The following NOVA1 variants were observed in gnomAD, a reference collection of about 807,000 sequenced individuals.
NOVA1 encodes the protein NOVA alternative splicing regulator 1, also known as RNA-binding protein Nova-1.
NOVA1 carries 7 observed loss-of-function variants against 38.0 expected under a neutral mutation model. The ratio of observed to expected loss-of-function variants is 0.18; its 90% CI spans 0.10 to 0.35. The LOEUF (loss-of-function observed/expected upper bound fraction) is 0.35, where lower values mean the gene tolerates loss of function less well. NOVA1 is among the 10% of genes least tolerant of loss of function. NOVA1 has a pLI of 1.00. For missense variants in NOVA1, 460 were observed against 616.0 expected (o/e 0.75, Z 2.68); for synonymous variants, 270 against 232.5 (o/e 1.16, Z -1.47).
chr14:26,562,826 A>G (rs1366044357), intron 2 of NOVA1, among the ~76,000 whole-genome samples: 1 of 152,258 alleles, frequency 6.6e-6, no homozygotes, highest in East Asian at 1.9e-4. Context: ...CTTGAAGTTC[A>G]GAATATTAGG....
In NOVA1 at chr14:26,446,419, A is replaced by G. The variant is rs1464816120; in HGVS notation, c.*1540T>C. 1 of 152,698 alleles carries G rather than the reference A, an allele frequency of 6.5e-6. No homozygotes were observed. Among genetic ancestry groups the G allele is most frequent in the African/African-American group, 2.4e-5 (1 of 41,458 alleles). The allele number at this position is 152,698 out of a possible 1,614,324, so 9.5% of individuals were successfully genotyped here. Reference sequence around the variant, plus strand: ...ATTGTTCTTTAATTGGTTGCACAGAAAGGAGCAGCTGGGATGCCATTTAGC... The same window carrying G: ...ATTGTTCTTTAATTGGTTGCACAGAGAGGAGCAGCTGGGATGCCATTTAGC... On this transcript the variant is annotated 3_prime_UTR_variant, in exon 5 of 5. Coordinates refer to ENST00000539517, the MANE Select transcript of NOVA1 (RefSeq NM_002515.3).
chr14:26,541,605 G>A (rs949435994), intron 2 of NOVA1, among the ~76,000 whole-genome samples: 3 of 147,616 alleles, frequency 2.0e-5, no homozygotes, highest in South Asian at 2.2e-4. Context: ...TAGTTTCCCC[G>A]AGTATGCTTT....
At chr14:26,570,328 C>T (rs558690997) in intron 2 of NOVA1, among the ~76,000 whole-genome samples, 29 of 151,542 alleles carry the variant, frequency 1.9e-4, no homozygotes, top group Middle Eastern at 6.8e-3. Flanking sequence ...GCCTGGGCAA[C>T]GGAGTGAGAC....
intron 2 of NOVA1, among the ~76,000 whole-genome samples, chr14:26,571,592 C>A (rs1490019656): frequency 1.3e-5 from 2 of 152,132 alleles, no homozygotes; most frequent in Non-Finnish European, 2.9e-5. Context: ...AAACTGTCTA[C>A]CCACGTGGCT....
chr14:26,502,664 G>A (rs756679500), intron 2 of NOVA1, among the ~76,000 whole-genome samples: 9 of 149,248 alleles, frequency 6.0e-5, no homozygotes, highest in Non-Finnish European at 1.3e-4. Context: ...GAGAGTTAAC[G>A]ATGTGCTAGT....
At chr14:26,479,001 A>G (rs1208802139) in intron 3 of NOVA1, 3 of 151,922 alleles carry the variant, frequency 2.0e-5, no homozygotes, top group East Asian at 3.8e-4. Flanking sequence ...TATAGGATTC[A>G]TAACACTGTT....
At chr14:26,468,121 TAA>T (rs1410359919) in intron 4 of NOVA1, among the ~76,000 whole-genome samples, 2 of 152,114 alleles carry the variant, frequency 1.3e-5, no homozygotes, top group Non-Finnish European at 2.9e-5. Flanking sequence ...GTTCAATATA[TAA>T]GACTCCATTT....
chr14:26,490,892 C>T (rs1001989200), intron 2 of NOVA1, among the ~76,000 whole-genome samples: 1 of 144,624 alleles, frequency 6.9e-6, no homozygotes, highest in Admixed American at 7.2e-5. Context: ...CTCTGTCGCC[C>T]AGGCTGGAGT....
chr14:26,498,331 G>T (rs1047289753), intron 2 of NOVA1, among the ~76,000 whole-genome samples: 1 of 151,982 alleles, frequency 6.6e-6, no homozygotes, highest in South Asian at 2.1e-4. Context: ...CTCCCAAAGT[G>T]CTGGAATTAC....
intron 2 of NOVA1, among the ~76,000 whole-genome samples, chr14:26,577,068 T>C (rs1410861653): frequency 6.6e-6 from 1 of 151,996 alleles, no homozygotes; most frequent in African/African-American, 2.4e-5. Context: ...TATTCTACAT[T>C]TTTCTAGATT....
intron 4 of NOVA1, among the ~76,000 whole-genome samples, chr14:26,471,453 A>T (rs912258906): frequency 7.6e-5 from 11 of 145,162 alleles, no homozygotes; most frequent in East Asian, 1.9e-4. Context: ...TTTTATTATT[A>T]AAAAAAGCAA....
intron 2 of NOVA1, among the ~76,000 whole-genome samples, chr14:26,577,544 G>A (rs2138749944): frequency 6.6e-6 from 1 of 152,118 alleles, no homozygotes; most frequent in Admixed American, 6.5e-5. Flanking sequence ...GTGCATTTCT[G>A]TAACATTTAC....
At chr14:26,581,874 A>T (rs919600707) in intron 2 of NOVA1, among the ~76,000 whole-genome samples, 3 of 151,934 alleles carry the variant, frequency 2.0e-5, no homozygotes, top group African/African-American at 7.2e-5. Flanking sequence ...GACATATCAC[A>T]AATAATTTTA....
chr14:26,596,953 G>T (rs1489575931), intron 1 of NOVA1: 20 of 1,204,164 alleles, frequency 1.7e-5, no homozygotes, highest in East Asian at 5.0e-5. Flanking sequence ...ACCTCACTCC[G>T]GGGTCATCCT....
intron 2 of NOVA1, among the ~76,000 whole-genome samples, chr14:26,550,093 A>G (rs1005151927): frequency 1.3e-5 from 2 of 152,208 alleles, no homozygotes; most frequent in South Asian, 2.1e-4. Flanking sequence ...GTTAAAACGT[A>G]TATGTTAAAA....
chr14:26,516,394 T>C (rs1374274199), intron 2 of NOVA1, among the ~76,000 whole-genome samples: 1 of 152,176 alleles, frequency 6.6e-6, no homozygotes. Context: ...TTTTCCCCTT[T>C]ATGGTTAGAG....
chr14:26,464,894 T>G (rs1883989828), intron 4 of NOVA1, among the ~76,000 whole-genome samples: 1 of 152,190 alleles, frequency 6.6e-6, no homozygotes, highest in African/African-American at 2.4e-5. Context: ...TCAGTGTTTT[T>G]GGTTCAATTT....
intron 2 of NOVA1, among the ~76,000 whole-genome samples, chr14:26,507,637 T>C (rs938792358): frequency 5.3e-5 from 8 of 152,178 alleles, no homozygotes; most frequent in Non-Finnish European, 8.8e-5. Flanking sequence ...ATCACTGTGT[T>C]CTTTAGTTTG....
intron 3 of NOVA1, among the ~76,000 whole-genome samples, chr14:26,473,007 C>G (rs1328839070): frequency 6.6e-6 from 1 of 151,754 alleles, no homozygotes; most frequent in Non-Finnish European, 1.5e-5. Context: ...AAAATGTAAA[C>G]ATTAACCTCA....
Sources: gnomAD v4.1 joint callset for allele counts (sites outside exome capture counted in the v4.1 genomes callset) on GRCh38, gnomAD v4.1.1 for gene constraint, MANE v1.5 for transcripts, NCBI Gene and HGNC (gene_info 2026-07-23, HGNC 2026-07-21) for gene names.